The following LHFPL3 variants were observed in gnomAD, a reference collection of about 807,000 sequenced individuals.
The protein encoded by LHFPL3 is LHFPL tetraspan subfamily member 3, also known as LHFPL tetraspan subfamily member 3 protein.
A neutral mutation model predicts 19.3 loss-of-function variants in LHFPL3; 5 were observed. The observed-to-expected ratio is 0.26, with a 90% CI of 0.14 to 0.54. The LOEUF is 0.54. LHFPL3 is among the 20% of genes least tolerant of loss of function. The pLI, the probability that LHFPL3 is intolerant of heterozygous loss-of-function variation, is 0.94. For synonymous variants in LHFPL3, 133 were observed against 126.2 expected, an observed-to-expected ratio of 1.05 and a Z score of -0.36; for missense variants, 249 against 307.4, an observed-to-expected ratio of 0.81 and a Z score of 1.42.
At chr7:104,477,773 G>T (rs1793052454) in intron 1 of LHFPL3, among the ~76,000 whole-genome samples, 1 of 151,708 alleles carries the variant, frequency 6.6e-6, no homozygotes, top group Non-Finnish European at 1.5e-5. Flanking sequence ...AAAGAGAAAG[G>T]AATGCATTCC....
rs1584493932 is a variant in LHFPL3, at chr7:104,715,265, T to C, written c.446-21410T>C. On this transcript the variant is annotated intron_variant, in intron 1 of 2. Transcript: ENST00000424859. ...ATGTATATATGTGAATGTGTGAGTC[T>C]GATACCCCCTTGAGTAAGGGAAAGG... Among the ~76,000 whole-genome samples, 5 of 152,350 alleles carry C rather than the reference T, an allele frequency of 3.3e-5. 1 individual carries two copies. The highest frequency in any genetic ancestry group is 1.2e-4 in the African/African-American group (5 of 41,586).
Position 104,383,674 on chromosome 7 carries a change from C to T in LHFPL3, c.445+54450C>T, listed in dbSNP as rs562063633. The stretch of plus-strand genomic sequence containing the variant: ...CAGTAAGGACCTTGTTGTAAGTTTG[C>T]TACTCTTTTTTTTAACAGTATTTAA... On this transcript the variant is annotated intron_variant, in intron 1 of 2. Coordinates refer to ENST00000424859, the MANE Select transcript of LHFPL3 (RefSeq NM_199000.3). Among the ~76,000 whole-genome samples the T allele has an allele frequency of 2.0e-5, 3 of 152,150 alleles. No individual in the cohort carries two copies. In the South Asian group the frequency reaches 6.2e-4, roughly 31 times the overall value.
At chr7:104,865,960 A>G (rs1386630617) in intron 2 of LHFPL3, among the ~76,000 whole-genome samples, 1 of 152,330 alleles carries the variant, frequency 6.6e-6, no homozygotes, top group East Asian at 1.9e-4. Context: ...CCAGAATTTC[A>G]TATCCAGCCA....
intron 1 of LHFPL3, among the ~76,000 whole-genome samples, chr7:104,585,142 C>T (rs969259678): frequency 6.6e-6 from 1 of 152,026 alleles, no homozygotes; most frequent in African/African-American, 2.4e-5. Context: ...ACCTGTCCTC[C>T]TTTTCCTCCT....
Position 104,466,469 on chromosome 7 carries a change from G to A in LHFPL3, c.445+137245G>A, listed in dbSNP as rs1417606853. 2.6e-5 allele frequency among the ~76,000 whole-genome samples: 4 copies of A among 152,170 alleles called. No homozygotes were observed. The South Asian group carries it at 6.2e-4, about 24-fold the overall frequency. ...GTGTTACCATACTTCAGACAGCTAC[G>A]TATATTGGTGCTACTACTAAAAATA... is the stretch of plus-strand genomic sequence containing the variant. On this transcript the variant is annotated intron_variant, in intron 1 of 2. Coordinates refer to ENST00000424859, the MANE Select transcript of LHFPL3 (RefSeq NM_199000.3).
At position 104,906,331 on chromosome 7, in the gene LHFPL3, T is replaced by C. The variant is rs1792615486; in HGVS notation, c.*116T>C. The C allele has an allele frequency of 2.5e-6, 3 of 1,185,334 alleles. No homozygotes were observed. The highest frequency in any genetic ancestry group is 3.6e-6 in the Non-Finnish European group (3 of 826,970). The allele number at this position is 1,185,334 out of a possible 1,614,324, so 73.4% of individuals were successfully genotyped here. ...TACGCCTGAGAGAGATCAGAGTATA[T>C]AGATGAATATGAACAAGAATGGAAC... On this transcript the variant is annotated 3_prime_UTR_variant, in exon 3 of 3. Transcript: ENST00000424859.
chr7:104,785,846 C>T (rs181582872), intron 2 of LHFPL3: 8 of 152,348 alleles, frequency 5.3e-5, no homozygotes, highest in Admixed American at 4.6e-4. Context: ...CTGGTACCAT[C>T]ATAGGCCCCT....
intron 1 of LHFPL3, among the ~76,000 whole-genome samples, chr7:104,392,789 G>T (rs1462415278): frequency 6.6e-6 from 1 of 152,122 alleles, no homozygotes; most frequent in African/African-American, 2.4e-5. Flanking sequence ...ACCTCTGGTA[G>T]AATTTGGCTG....
At chr7:104,510,852 G>A (rs1188705925) in intron 1 of LHFPL3, among the ~76,000 whole-genome samples, 1 of 152,074 alleles carries the variant, frequency 6.6e-6, no homozygotes, top group Non-Finnish European at 1.5e-5. Context: ...TAAATAATGA[G>A]AATACATGGA....
chr7:104,757,162 A>G (rs1436653613), intron 2 of LHFPL3, among the ~76,000 whole-genome samples: 1 of 152,230 alleles, frequency 6.6e-6, no homozygotes, highest in Non-Finnish European at 1.5e-5. Flanking sequence ...AATATGCGGA[A>G]GAATCAAACT....
chr7:104,522,565 G>A (rs1296469390), intron 1 of LHFPL3, among the ~76,000 whole-genome samples: 2 of 152,038 alleles, frequency 1.3e-5, no homozygotes, highest in African/African-American at 2.4e-5. Context: ...GAAAATTAGT[G>A]AGTGCTAGTA....
At chr7:104,402,313 C>A (rs73403865) in intron 1 of LHFPL3, among the ~76,000 whole-genome samples, 6,201 of 152,240 alleles carry the variant, frequency 0.041, 436 homozygotes, top group African/African-American at 0.14. Context: ...GAGATTCTAC[C>A]ACCTACTTAA....
intron 1 of LHFPL3, among the ~76,000 whole-genome samples, chr7:104,594,772 T>C (rs1200647938): frequency 2.0e-5 from 3 of 152,216 alleles, no homozygotes; most frequent in African/African-American, 7.2e-5. Flanking sequence ...GTTTACTTGT[T>C]TTATTTCATT....
At chr7:104,834,227 A>G (rs910793945) in intron 2 of LHFPL3, among the ~76,000 whole-genome samples, 2 of 151,688 alleles carry the variant, frequency 1.3e-5, no homozygotes, top group Non-Finnish European at 2.9e-5. Context: ...CCCAGGATCA[A>G]TACTTTGCAT....
intron 2 of LHFPL3, among the ~76,000 whole-genome samples, chr7:104,742,231 C>T (rs1793948759): frequency 6.6e-6 from 1 of 152,168 alleles, no homozygotes; most frequent in Non-Finnish European, 1.5e-5. Flanking sequence ...AGACACCATT[C>T]ATAAAGAGGT....
At chr7:104,900,948 T>C (rs1792470907) in intron 2 of LHFPL3, among the ~76,000 whole-genome samples, 1 of 152,204 alleles carries the variant, frequency 6.6e-6, no homozygotes, top group Non-Finnish European at 1.5e-5. Context: ...GAATGTGACA[T>C]ATTTTAAATT....
intron 1 of LHFPL3, among the ~76,000 whole-genome samples, chr7:104,385,924 G>A (rs550854774): frequency 6.6e-6 from 1 of 150,710 alleles, no homozygotes; most frequent in African/African-American, 2.4e-5. Context: ...CTCCATAAAA[G>A]CAATGAAAAC....
intron 1 of LHFPL3, among the ~76,000 whole-genome samples, chr7:104,432,669 A>G (rs1792024951): frequency 6.6e-6 from 1 of 152,104 alleles, no homozygotes. Context: ...ATGCGTCACA[A>G]CTAATCTCAT....
At chr7:104,688,858 G>T (rs145803357) in intron 1 of LHFPL3, among the ~76,000 whole-genome samples, 35 of 152,318 alleles carry the variant, frequency 2.3e-4, no homozygotes, top group African/African-American at 7.7e-4. Flanking sequence ...TGGAGAACAG[G>T]CAGGGAAATG....
Sources: gnomAD v4.1 joint callset for allele counts (sites outside exome capture counted in the v4.1 genomes callset) on GRCh38, gnomAD v4.1.1 for gene constraint, MANE v1.5 for transcripts, NCBI Gene and HGNC (gene_info 2026-07-23, HGNC 2026-07-21) for gene names.